The following KIAA1217 variants were observed in gnomAD, a reference collection of about 807,000 sequenced individuals.
KIAA1217 encodes the protein sickle tail protein homolog.
A neutral mutation model predicts 163.9 loss-of-function variants in KIAA1217; 88 were observed. That is an observed-to-expected ratio of 0.54 (90% confidence interval 0.45 to 0.64). The LOEUF (loss-of-function observed/expected upper bound fraction) is 0.64. Among genes scored for constraint, KIAA1217 ranks in the 30% least tolerant of loss-of-function variants. The pLI is 0.00. For synonymous variants in KIAA1217, 903 were observed against 923.1 expected (o/e 0.98, Z 0.39); for missense variants, 2,372 against 2,475.0 (o/e 0.96, Z 0.88).
At chr10:23,957,962 T>A (rs936889685) in intron 1 of KIAA1217, among the ~76,000 whole-genome samples, 4 of 152,220 alleles carry the variant, frequency 2.6e-5, no homozygotes, top group African/African-American at 9.7e-5. Context: ...TTGCTAAATA[T>A]TTCCTATTCG....
At chr10:24,493,693 C>T (rs1022337518) in intron 6 of KIAA1217, among the ~76,000 whole-genome samples, 2 of 152,144 alleles carry the variant, frequency 1.3e-5, no homozygotes, top group African/African-American at 2.4e-5. Context: ...CGTGTTCCTG[C>T]GTGATTCTAT....
intron 2 of KIAA1217, among the ~76,000 whole-genome samples, chr10:24,277,584 T>C (rs1171369239): frequency 1.3e-5 from 2 of 152,244 alleles, no homozygotes; most frequent in Non-Finnish European, 1.5e-5. Context: ...CCCCATGCTA[T>C]TTTCATAATA....
intron 5 of KIAA1217, among the ~76,000 whole-genome samples, chr10:24,447,766 A>G (rs1222119664): frequency 6.6e-6 from 1 of 152,214 alleles, no homozygotes; most frequent in Non-Finnish European, 1.5e-5. Flanking sequence ...GTATCCCGCT[A>G]TTGGCCACTG....
At chr10:24,391,251 C>T (rs1036272052) in intron 3 of KIAA1217, among the ~76,000 whole-genome samples, 2 of 150,518 alleles carry the variant, frequency 1.3e-5, no homozygotes, top group Non-Finnish European at 3.0e-5. Context: ...TTTCAGTGAT[C>T]AGGGACTATG....
chr10:24,303,350 T>G (rs1202250711), intron 2 of KIAA1217, among the ~76,000 whole-genome samples: 1 of 151,990 alleles, frequency 6.6e-6, no homozygotes, highest in East Asian at 1.9e-4. Context: ...ATATACTTAG[T>G]TAAAGCAGTC....
chr10:24,033,442 A>G (rs985690228), intron 2 of KIAA1217, among the ~76,000 whole-genome samples: 1 of 152,218 alleles, frequency 6.6e-6, no homozygotes, highest in African/African-American at 2.4e-5. Flanking sequence ...GCGTGGCATA[A>G]TCCAAATAGC....
intron 2 of KIAA1217, among the ~76,000 whole-genome samples, chr10:24,176,021 G>A (rs1019766542): frequency 1.3e-5 from 2 of 152,178 alleles, no homozygotes; most frequent in Non-Finnish European, 2.9e-5. Flanking sequence ...TGCTGCTGCT[G>A]GCTCTGGCAA....
intron 2 of KIAA1217, among the ~76,000 whole-genome samples, chr10:24,130,190 CAG>C (rs2063602563): frequency 6.6e-6 from 1 of 152,086 alleles, no homozygotes; most frequent in Non-Finnish European, 1.5e-5. Flanking sequence ...AATTTAGAGA[CAG>C]AGTTTCACTC....
At chr10:23,813,501 TTC>T (rs961910006) in intron 1 of KIAA1217, among the ~76,000 whole-genome samples, 1 of 152,098 alleles carries the variant, frequency 6.6e-6, no homozygotes, top group Non-Finnish European at 1.5e-5. Flanking sequence ...GATCCTGTTT[TTC>T]TCACTTAAAA....
chr10:24,069,820 T>C (rs2061113943), intron 2 of KIAA1217, among the ~76,000 whole-genome samples: 1 of 152,152 alleles, frequency 6.6e-6, no homozygotes, highest in African/African-American at 2.4e-5. Flanking sequence ...AACTTTTAAA[T>C]TTTTCTTTCT....
At chr10:24,184,100 A>G (rs1274492928) in intron 2 of KIAA1217, among the ~76,000 whole-genome samples, 2 of 152,234 alleles carry the variant, frequency 1.3e-5, no homozygotes, top group Admixed American at 1.3e-4. Context: ...TTTACTTTTA[A>G]TGACAAACAC....
chr10:24,028,526 T>G (rs1402375636), intron 2 of KIAA1217, among the ~76,000 whole-genome samples: 1 of 152,146 alleles, frequency 6.6e-6, no homozygotes, highest in East Asian at 1.9e-4. Context: ...TATGCACATT[T>G]GTAAAACTAT....
At chr10:24,122,773 A>G (rs1317175163) in intron 2 of KIAA1217, among the ~76,000 whole-genome samples, 2 of 152,050 alleles carry the variant, frequency 1.3e-5, no homozygotes, top group Admixed American at 1.3e-4. Flanking sequence ...TTTTTTGTTT[A>G]CTTTTTAGTT....
intron 2 of KIAA1217, among the ~76,000 whole-genome samples, chr10:24,043,111 A>C (rs773942093): frequency 3.9e-5 from 6 of 152,192 alleles, no homozygotes; most frequent in Non-Finnish European, 7.3e-5. Flanking sequence ...AACTTAAGCT[A>C]TCTGTTATTT....
intron 2 of KIAA1217, among the ~76,000 whole-genome samples, chr10:24,235,066 A>G (rs1232736914): frequency 6.6e-6 from 1 of 152,220 alleles, no homozygotes; most frequent in Non-Finnish European, 1.5e-5. Context: ...CAGAGCCAAT[A>G]GCAGAATTCC....
chr10:23,914,837 T>C (rs1426662557), intron 1 of KIAA1217, among the ~76,000 whole-genome samples: 1 of 152,200 alleles, frequency 6.6e-6, no homozygotes, highest in Non-Finnish European at 1.5e-5. Flanking sequence ...GCTGCCAGTC[T>C]TGATGTGCAA....
At chr10:24,247,623 C>T (rs1033695267) in intron 2 of KIAA1217, among the ~76,000 whole-genome samples, 1 of 152,124 alleles carries the variant, frequency 6.6e-6, no homozygotes, top group African/African-American at 2.4e-5. Flanking sequence ...CGGTGAAACC[C>T]CGTCTCTACT....
chr10:24,509,523 C>T (rs2068812682), intron 9 of KIAA1217, among the ~76,000 whole-genome samples: 1 of 152,148 alleles, frequency 6.6e-6, no homozygotes, highest in African/African-American at 2.4e-5. Flanking sequence ...TTGTATTTTC[C>T]AATATTTCTT....
At chr10:23,878,713 G>T (rs1323664013) in intron 1 of KIAA1217, among the ~76,000 whole-genome samples, 1 of 151,954 alleles carries the variant, frequency 6.6e-6, no homozygotes, top group Non-Finnish European at 1.5e-5. Context: ...AATGGAAGAA[G>T]TAAGGAGCAG....
Sources: gnomAD v4.1 joint callset for allele counts (sites outside exome capture counted in the v4.1 genomes callset) on GRCh38, gnomAD v4.1.1 for gene constraint, MANE v1.5 for transcripts, NCBI Gene and HGNC (gene_info 2026-07-23, HGNC 2026-07-21) for gene names.